Variants in ARHGAP15 observed in about 807,000 individuals in gnomAD.
ARHGAP15 encodes Rho GTPase activating protein 15, also known as rho GTPase-activating protein 15.
Under a neutral mutation model 63.7 loss-of-function variants are expected in ARHGAP15, and 51 were observed. That is an observed-to-expected ratio of 0.80 (90% CI 0.64 to 1.01). The LOEUF (loss-of-function observed/expected upper bound fraction) is 1.01. Ranked by LOEUF, ARHGAP15 falls within the 50% of genes least tolerant of loss-of-function variation. The pLI, the probability that ARHGAP15 is intolerant of heterozygous loss-of-function variation, is 0.00. For missense variants in ARHGAP15, 560 were observed against 564.6 expected, an observed-to-expected ratio of 0.99 and a Z score of 0.08; for synonymous variants, 191 against 193.8, an observed-to-expected ratio of 0.99 and a Z score of 0.12.
intron 12 of ARHGAP15, among the ~76,000 whole-genome samples, chr2:143,662,066 C>T (rs1681831591): frequency 1.3e-5 from 2 of 152,378 alleles, no homozygotes; most frequent in South Asian, 4.1e-4. Flanking sequence ...GTGGAGCCCA[C>T]CACAGCTCAA....
intron 13 of ARHGAP15, among the ~76,000 whole-genome samples, chr2:143,734,499 T>TA (rs762433089): frequency 2.6e-5 from 4 of 152,194 alleles, no homozygotes; most frequent in Non-Finnish European, 4.4e-5. Context: ...TGTTCCCTCG[T>TA]AAAAAATTGT....
At chr2:143,238,170 G>T (rs1693726061) in intron 5 of ARHGAP15, 1 of 152,106 alleles carries the variant, frequency 6.6e-6, no homozygotes, top group Non-Finnish European at 1.5e-5. Flanking sequence ...AAAAGCAATT[G>T]TAATAAAAGC....
In ARHGAP15 at chr2:143,767,835, A is replaced by G. The variant is rs1246037735; in HGVS notation, c.1245-154A>G. Among the ~76,000 whole-genome samples, 14 of 152,324 alleles carry G rather than the reference A, an allele frequency of 9.2e-5. No individual in the cohort carries two copies. In the East Asian group the frequency reaches 2.7e-3, roughly 29 times the overall value. ...CCTTTCCCCAAAACTCATAGGTTCT[A>G]CTTCCATACAGTAAAGTATGTAGGG... is the stretch of plus-strand genomic sequence containing the variant. On this transcript the variant is annotated intron_variant, in intron 13 of 13. Coordinates refer to ENST00000295095, the MANE Select transcript of ARHGAP15 (RefSeq NM_018460.4).
chr2:143,328,444 G>A (rs1684355928), intron 6 of ARHGAP15, among the ~76,000 whole-genome samples: 1 of 152,126 alleles, frequency 6.6e-6, no homozygotes, highest in Non-Finnish European at 1.5e-5. Context: ...GCAGGGACAT[G>A]GATGAAGCTG....
chr2:143,534,265 C>T (rs549629109), intron 10 of ARHGAP15, among the ~76,000 whole-genome samples: 3 of 152,284 alleles, frequency 2.0e-5, no homozygotes, highest in African/African-American at 4.8e-5. Context: ...GCTTCCCCTT[C>T]GCCTTCCACC....
At chr2:143,380,249 G>A (rs1466232436) in intron 6 of ARHGAP15, among the ~76,000 whole-genome samples, 1 of 152,082 alleles carries the variant, frequency 6.6e-6, no homozygotes, top group African/African-American at 2.4e-5. Context: ...GTTACTCTGT[G>A]GTTTCCATTC....
intron 6 of ARHGAP15, chr2:143,344,152 T>A (rs575384014): frequency 6.6e-6 from 1 of 152,264 alleles, no homozygotes; most frequent in South Asian, 2.1e-4. Flanking sequence ...TATTCTCTCA[T>A]CTACTCCAAT....
chr2:143,514,812 G>C (rs1024023401), intron 9 of ARHGAP15, among the ~76,000 whole-genome samples: 2 of 152,154 alleles, frequency 1.3e-5, no homozygotes, highest in South Asian at 4.1e-4. Context: ...AGGGGCAGCA[G>C]CTCCCCAGGG....
At chr2:143,332,393 A>C (rs557725512) in intron 6 of ARHGAP15, among the ~76,000 whole-genome samples, 2 of 152,154 alleles carry the variant, frequency 1.3e-5, no homozygotes, top group Non-Finnish European at 2.9e-5. Context: ...AAAAATGCTT[A>C]ATAAGATCTT....
chr2:143,192,387 A>G (rs6716653), intron 2 of ARHGAP15, among the ~76,000 whole-genome samples: 25,825 of 152,228 alleles, frequency 0.17, 2,391 homozygotes, highest in Middle Eastern at 0.24. Flanking sequence ...AAGGCAGACT[A>G]ACAACACCCT....
chr2:143,176,958 G>C (rs1174546878), intron 2 of ARHGAP15, among the ~76,000 whole-genome samples: 2 of 152,084 alleles, frequency 1.3e-5, no homozygotes, highest in African/African-American at 2.4e-5. Context: ...TATGGCATAG[G>C]GACTACGTTC....
At chr2:143,292,337 A>T (rs1265150835) in intron 6 of ARHGAP15, among the ~76,000 whole-genome samples, 2 of 152,150 alleles carry the variant, frequency 1.3e-5, no homozygotes, top group African/African-American at 4.8e-5. Context: ...TCAATATATA[A>T]TGCAGGAAGA....
intron 6 of ARHGAP15, among the ~76,000 whole-genome samples, chr2:143,386,210 C>A (rs1687280374): frequency 6.6e-6 from 1 of 152,004 alleles, no homozygotes; most frequent in African/African-American, 2.4e-5. Context: ...TTTGTGTATT[C>A]TCAGGTTGGA....
At chr2:143,505,565 A>G (rs746731307) in intron 9 of ARHGAP15, among the ~76,000 whole-genome samples, 19 of 152,202 alleles carry the variant, frequency 1.2e-4, no homozygotes, top group Non-Finnish European at 2.2e-4. Context: ...CTACTCTCCA[A>G]TTACATTCCT....
rs540472450 is a variant in ARHGAP15, at chr2:143,536,577, T to A, written c.925+17213T>A. Among the ~76,000 whole-genome samples the A allele has an allele frequency of 6.0e-4, 86 of 144,472 alleles. 1 individual carries two copies. In the South Asian group the frequency reaches 0.012, roughly 20 times the overall value. 94.8% of individuals were successfully genotyped at this position (144,472 alleles called of 152,430 possible). ...TGTGATGTTCCCCTTCCTGTGTCCA[T>A]GTGTTCTCACTGTTCAATTCCCACC... On this transcript the variant is annotated intron_variant, in intron 10 of 13. Transcript: ENST00000295095.
At chr2:143,491,629 A>G (rs1157554737) in intron 9 of ARHGAP15, among the ~76,000 whole-genome samples, 1 of 152,162 alleles carries the variant, frequency 6.6e-6, no homozygotes, top group Admixed American at 6.5e-5. Context: ...AGTGCTTTCT[A>G]GCCTCATCTT....
At chr2:143,303,907 C>A (rs1198597302) in intron 6 of ARHGAP15, among the ~76,000 whole-genome samples, 1 of 152,122 alleles carries the variant, frequency 6.6e-6, no homozygotes, top group Non-Finnish European at 1.5e-5. Context: ...TAATGAGATA[C>A]CAACTCACAC....
At chr2:143,426,737 A>G (rs996519165) in intron 6 of ARHGAP15, among the ~76,000 whole-genome samples, 1 of 152,138 alleles carries the variant, frequency 6.6e-6, no homozygotes, top group Non-Finnish European at 1.5e-5. Flanking sequence ...CAGAGAATCT[A>G]TGTTGTGGTG....
At position 143,462,606 on chromosome 2, in the gene ARHGAP15, G is replaced by A. The variant is rs191493928; in HGVS notation, c.704-24767G>A. On this transcript the variant is annotated intron_variant, in intron 8 of 13. Coordinates refer to ENST00000295095, the MANE Select transcript of ARHGAP15 (RefSeq NM_018460.4). ...CTCCAAAAATGTCTCACATATGAGG[G>A]AATGCTAACCTTAAAATCAAAGCCA... 2.6e-5 allele frequency among the ~76,000 whole-genome samples: 4 copies of A among 152,288 alleles called. No individual in the cohort carries two copies. In the East Asian group the frequency reaches 7.7e-4, roughly 29 times the overall value.
Sources: gnomAD v4.1 joint callset for allele counts (sites outside exome capture counted in the v4.1 genomes callset) on GRCh38, gnomAD v4.1.1 for gene constraint, MANE v1.5 for transcripts, NCBI Gene and HGNC (gene_info 2026-07-23, HGNC 2026-07-21) for gene names.